NEGR1: variants seen among roughly 807,000 people sequenced by gnomAD.
NEGR1 encodes the protein IgLON family member 4.
In NEGR1, 10 loss-of-function variants were observed where a neutral mutation model predicts 40.9. That is an observed-to-expected ratio of 0.24 (90% CI 0.15 to 0.42). The LOEUF (loss-of-function observed/expected upper bound fraction) is 0.42, where lower values mean the gene tolerates loss of function less well. Ranked by LOEUF, NEGR1 falls within the 10% of genes least tolerant of loss-of-function variation. The pLI is 1.00. For missense variants in NEGR1, 352 were observed against 438.9 expected, an observed-to-expected ratio of 0.80 and a Z score of 1.77; for synonymous variants, 185 against 166.8, an observed-to-expected ratio of 1.11 and a Z score of -0.84.
At chr1:72,043,550 A>G (rs915950036) in intron 1 of NEGR1, among the ~76,000 whole-genome samples, 4 of 151,966 alleles carry the variant, frequency 2.6e-5, no homozygotes, top group African/African-American at 9.7e-5. Flanking sequence ...TCCACTTAAA[A>G]AAGTAAAATC....
At chr1:71,438,712 C>A (rs1012083808) in intron 6 of NEGR1, among the ~76,000 whole-genome samples, 4 of 152,268 alleles carry the variant, frequency 2.6e-5, no homozygotes, top group East Asian at 1.9e-4. Context: ...TTTTGGTTAT[C>A]AAAGAAGCCT....
In NEGR1 at chr1:71,623,845, G is replaced by T. The variant is rs150726086; in HGVS notation, c.668-12699C>A. 7.4e-3 allele frequency among the ~76,000 whole-genome samples: 1,119 copies of T among 151,830 alleles called. 10 individuals carry two copies. Among genetic ancestry groups the T allele is most frequent in the African/African-American group, 0.026 (1,061 of 41,456 alleles). ...CCTTCTTAAAATGATTAAACAACATGGTATGAGAAGAAAACTCTGCCTAAT... is the reference window on the plus strand; with the variant it reads ...CCTTCTTAAAATGATTAAACAACATTGTATGAGAAGAAAACTCTGCCTAAT... On this transcript the variant is annotated intron_variant, in intron 4 of 6. Transcript: ENST00000357731.
At chr1:71,600,265 C>A (rs1184186726) in intron 5 of NEGR1, among the ~76,000 whole-genome samples, 2 of 152,130 alleles carry the variant, frequency 1.3e-5, no homozygotes, top group Non-Finnish European at 2.9e-5. Flanking sequence ...ATCATTCATG[C>A]CAAATACCAT....
chr1:71,899,269 AAAG>A (rs1375854077), intron 2 of NEGR1, among the ~76,000 whole-genome samples: 1 of 151,978 alleles, frequency 6.6e-6, no homozygotes, highest in Non-Finnish European at 1.5e-5. Context: ...AGAAGCTGAG[AAAG>A]AAGTGGGTTT....
intron 2 of NEGR1, among the ~76,000 whole-genome samples, chr1:71,854,802 A>C (rs936707427): frequency 1.3e-5 from 2 of 152,084 alleles, no homozygotes; most frequent in Non-Finnish European, 2.9e-5. Flanking sequence ...ATCACGAGAA[A>C]AGCATGGGGG....
intron 1 of NEGR1, among the ~76,000 whole-genome samples, chr1:72,028,403 A>G (rs1052146408): frequency 1.3e-5 from 2 of 152,244 alleles, no homozygotes; most frequent in Non-Finnish European, 2.9e-5. Context: ...AGGCATACAT[A>G]GAACACACAT....
chr1:72,214,259 A>G (rs1653714710), intron 1 of NEGR1, among the ~76,000 whole-genome samples: 1 of 152,134 alleles, frequency 6.6e-6, no homozygotes. Context: ...AGCCAATATC[A>G]TACTGAATGG....
intron 1 of NEGR1, among the ~76,000 whole-genome samples, chr1:71,968,173 A>G (rs1475630018): frequency 4.6e-5 from 7 of 152,192 alleles, no homozygotes; most frequent in Non-Finnish European, 7.3e-5. Flanking sequence ...AATCTGTACG[A>G]TTATAAAAAA....
intron 1 of NEGR1, among the ~76,000 whole-genome samples, chr1:72,182,027 CTAATT>C (rs1434966869): frequency 6.6e-6 from 1 of 152,030 alleles, no homozygotes; most frequent in African/African-American, 2.4e-5. Context: ...GGAATTCATA[CTAATT>C]TAATAGAGGT....
intron 1 of NEGR1, among the ~76,000 whole-genome samples, chr1:72,146,983 A>C (rs917582546): frequency 3.9e-5 from 6 of 152,172 alleles, no homozygotes; most frequent in Non-Finnish European, 8.8e-5. Flanking sequence ...CTCTTCATTG[A>C]CCTACATACA....
chr1:72,041,372 G>C (rs1020489409), intron 1 of NEGR1, among the ~76,000 whole-genome samples: 2 of 149,722 alleles, frequency 1.3e-5, no homozygotes, highest in East Asian at 3.9e-4. Context: ...TAAATATTCA[G>C]GATTTTACAC....
At chr1:71,800,261 G>A (rs1570363680) in intron 2 of NEGR1, among the ~76,000 whole-genome samples, 1 of 152,064 alleles carries the variant, frequency 6.6e-6, no homozygotes, top group South Asian at 2.1e-4. Flanking sequence ...TTTGTCAGAT[G>A]GATAGATTGC....
At chr1:72,127,393 G>A (rs1303197131) in intron 1 of NEGR1, among the ~76,000 whole-genome samples, 1 of 148,080 alleles carries the variant, frequency 6.8e-6, no homozygotes, top group Non-Finnish European at 1.5e-5. Flanking sequence ...GAACCCGGGA[G>A]GCGGAGGTTG....
intron 1 of NEGR1, among the ~76,000 whole-genome samples, chr1:72,003,855 A>AT (rs1280264277): frequency 6.6e-6 from 1 of 152,134 alleles, no homozygotes; most frequent in Admixed American, 6.6e-5. Context: ...TAATTTATTT[A>AT]TTTTTGTGAT....
intron 1 of NEGR1, chr1:72,274,623 A>G: frequency 1.2e-6 from 1 of 808,348 alleles, no homozygotes; most frequent in Non-Finnish European, 2.2e-6. Context: ...ATGGCCTTGG[A>G]GAACTGCCCC....
chr1:71,635,204 A>C (rs1651106680), intron 4 of NEGR1, among the ~76,000 whole-genome samples: 1 of 152,132 alleles, frequency 6.6e-6, no homozygotes, highest in Non-Finnish European at 1.5e-5. Flanking sequence ...ATCAGGATTT[A>C]AGAAAAGGGA....
rs570415855 is a variant in NEGR1 at position 71,653,508 on chromosome 1, T to C, written c.668-42362A>G. Among the ~76,000 whole-genome samples the C allele has an allele frequency of 2.5e-4, 38 of 152,308 alleles. No homozygotes were observed. The South Asian group carries it at 6.8e-3, about 27-fold the overall frequency. ...GCTTGCTTATTTCTTTGTATTAGAT[T>C]GAGGTCTTTGATTTTCATTTATTGT... On this transcript the variant is annotated intron_variant, in intron 4 of 6. Coordinates refer to ENST00000357731, the MANE Select transcript of NEGR1 (RefSeq NM_173808.3).
intron 1 of NEGR1, among the ~76,000 whole-genome samples, chr1:72,001,888 T>C (rs981757645): frequency 1.3e-5 from 2 of 152,100 alleles, no homozygotes; most frequent in South Asian, 2.1e-4. Flanking sequence ...AACTATCCTC[T>C]TGTACTACAT....
chr1:72,111,776 G>A (rs1486915054), intron 1 of NEGR1, among the ~76,000 whole-genome samples: 1 of 151,774 alleles, frequency 6.6e-6, no homozygotes, highest in Non-Finnish European at 1.5e-5. Flanking sequence ...TACCGACTTT[G>A]CAACTGAGCT....
Sources: allele counts gnomAD v4.1 joint callset (sites outside exome capture counted in the v4.1 genomes callset), GRCh38; gene constraint gnomAD v4.1.1; transcripts MANE v1.5; gene names NCBI Gene and HGNC (gene_info 2026-07-23, HGNC 2026-07-21).